Variants in MAF observed in about 807,000 individuals in gnomAD.
The protein encoded by MAF is MAF bZIP transcription factor, also known as transcription factor Maf.
Under a neutral mutation model 22.0 loss-of-function variants are expected in MAF, and 10 were observed. The ratio of observed to expected loss-of-function variants is 0.45; its 90% CI spans 0.28 to 0.77. The LOEUF is 0.77. Among genes scored for constraint, MAF ranks in the 30% least tolerant of loss-of-function variants. MAF has a pLI of 0.12. For synonymous variants in MAF, 337 were observed against 255.8 expected (o/e 1.32, Z -3.03); for missense variants, 544 against 548.4 (o/e 0.99, Z 0.08).
At chr16:79,340,798 G>A in the MAF span, among the ~76,000 whole-genome samples, 1 of 152,092 alleles carries the variant, frequency 6.6e-6, no homozygotes, top group Non-Finnish European at 1.5e-5. Flanking sequence ...TTCAGGCATT[G>A]CTAGATGTCC....
chr16:79,448,276 A>G, the MAF span, among the ~76,000 whole-genome samples: 1 of 152,102 alleles, frequency 6.6e-6, no homozygotes, highest in East Asian at 1.9e-4. Context: ...TCCATCCTAC[A>G]GCAACCACCA....
the MAF span, among the ~76,000 whole-genome samples, chr16:79,539,406 A>T: frequency 6.6e-6 from 1 of 152,164 alleles, no homozygotes; most frequent in Non-Finnish European, 1.5e-5. Flanking sequence ...GAGGGGGCTG[A>T]GGCAAGAGAA....
At chr16:79,565,022 G>C in the MAF span, among the ~76,000 whole-genome samples, 5 of 152,162 alleles carry the variant, frequency 3.3e-5, no homozygotes, top group African/African-American at 4.8e-5. Flanking sequence ...GAGAGGGCAA[G>C]AGTCCGGGCC....
chr16:79,361,853 A>C, the MAF span, among the ~76,000 whole-genome samples: 32 of 152,318 alleles, frequency 2.1e-4, no homozygotes, highest in African/African-American at 7.0e-4. Context: ...GCTGTTACAG[A>C]GAGGCATCTT....
the MAF span, among the ~76,000 whole-genome samples, chr16:79,558,140 G>A: frequency 1.3e-5 from 2 of 150,920 alleles, no homozygotes; most frequent in South Asian, 4.2e-4. Context: ...GGAGAGAGTG[G>A]GTCTTGGGTT....
the MAF span, among the ~76,000 whole-genome samples, chr16:79,340,264 G>T: frequency 6.6e-6 from 1 of 151,894 alleles, no homozygotes. Context: ...CTTCCTGCCT[G>T]CCTTCAACAC....
At chr16:79,531,752 T>C in the MAF span, among the ~76,000 whole-genome samples, 27 of 152,224 alleles carry the variant, frequency 1.8e-4, no homozygotes, top group African/African-American at 6.5e-4. Context: ...CAGACGAAGC[T>C]TCACCCACGC....
chr16:79,349,894 T>C, the MAF span, among the ~76,000 whole-genome samples: 1 of 152,172 alleles, frequency 6.6e-6, no homozygotes, highest in Non-Finnish European at 1.5e-5. Context: ...GCACACACGC[T>C]CTATGCTCCA....
the MAF span, among the ~76,000 whole-genome samples, chr16:79,347,051 G>C: frequency 2.6e-5 from 4 of 152,142 alleles, no homozygotes; most frequent in Admixed American, 2.6e-4. Flanking sequence ...CCCTGAGAAA[G>C]CTCCTTAACC....
the MAF span, among the ~76,000 whole-genome samples, chr16:79,367,098 G>C: frequency 1.3e-5 from 2 of 152,134 alleles, no homozygotes; most frequent in African/African-American, 4.8e-5. Context: ...ACGGCACTTT[G>C]ATTCTCCCTG....
At chr16:79,402,620 C>T in the MAF span, among the ~76,000 whole-genome samples, 1 of 152,228 alleles carries the variant, frequency 6.6e-6, no homozygotes, top group Non-Finnish European at 1.5e-5. Context: ...GGTTAGCCAG[C>T]CCAGCTCCAG....
chr16:79,289,913 G>T, the MAF span, among the ~76,000 whole-genome samples: 2 of 148,516 alleles, frequency 1.3e-5, no homozygotes, highest in African/African-American at 5.0e-5. Flanking sequence ...GTGCAGTGGC[G>T]TGGTGCAGTC....
chr16:79,488,578 G>A, the MAF span, among the ~76,000 whole-genome samples: 1 of 152,132 alleles, frequency 6.6e-6, no homozygotes, highest in Non-Finnish European at 1.5e-5. Context: ...ATCACAGATG[G>A]TGCTCCTCAC....
At chr16:79,334,652 C>G in the MAF span, among the ~76,000 whole-genome samples, 1 of 152,124 alleles carries the variant, frequency 6.6e-6, no homozygotes, top group Non-Finnish European at 1.5e-5. Flanking sequence ...CAATGAAAAG[C>G]AGGCCCTTCT....
chr16:79,454,839 G>A, the MAF span, among the ~76,000 whole-genome samples: 2 of 152,160 alleles, frequency 1.3e-5, no homozygotes, highest in Admixed American at 6.6e-5. Context: ...CCTCATGCCT[G>A]TAATCCCAGC....
chr16:79,436,018 T>C, the MAF span, among the ~76,000 whole-genome samples: 1 of 152,228 alleles, frequency 6.6e-6, no homozygotes, highest in Non-Finnish European at 1.5e-5. Flanking sequence ...CACCCATTCA[T>C]GTGCAAAACC....
intron 1 of MAF, chr16:79,596,959 G>GAA (rs201589196): frequency 2.9e-6 from 3 of 1,037,602 alleles, no homozygotes; most frequent in Admixed American, 5.6e-5. Context: ...ATTTTGAAAA[G>GAA]AAAAAAAAAC....
chr16:79,259,775 G>A, the MAF span, among the ~76,000 whole-genome samples: 1 of 152,148 alleles, frequency 6.6e-6, no homozygotes, highest in Non-Finnish European at 1.5e-5. Flanking sequence ...ACACAAAAAA[G>A]GACAATAGAG....
the MAF span, among the ~76,000 whole-genome samples, chr16:79,579,767 G>A: frequency 1.4e-4 from 22 of 152,128 alleles, no homozygotes; most frequent in African/African-American, 5.1e-4. Context: ...TTCCTAAAGT[G>A]AAAATGTCAT....
Sources: allele counts gnomAD v4.1 joint callset (sites outside exome capture counted in the v4.1 genomes callset), GRCh38; gene constraint gnomAD v4.1.1; transcripts MANE v1.5; gene names NCBI Gene and HGNC (gene_info 2026-07-23, HGNC 2026-07-21).